Variants in CA10 observed in about 807,000 individuals in gnomAD.
CA10 encodes carbonic anhydrase 10 (inactive).
Under a neutral mutation model 44.2 loss-of-function variants are expected in CA10, and 14 were observed. That is an observed-to-expected ratio of 0.32 (90% confidence interval 0.21 to 0.50). CA10 has a LOEUF of 0.50. Ranked by LOEUF, CA10 falls within the 20% of genes least tolerant of loss-of-function variation. The pLI is 0.99. For synonymous variants in CA10, 159 were observed against 141.6 expected (o/e 1.12, Z -0.87); for missense variants, 350 against 409.7 (o/e 0.85, Z 1.26).
At chr17:52,126,968 AC>A (rs1388088563) in intron 1 of CA10, among the ~76,000 whole-genome samples, 1 of 152,236 alleles carries the variant, frequency 6.6e-6, no homozygotes, top group African/African-American at 2.4e-5. Flanking sequence ...AGAGGAGAGC[AC>A]TGGCCTCTTT....
In CA10 at chr17:51,632,409, C is replaced by G. The variant is rs576836816; in HGVS notation, c.965-803G>C. Among the ~76,000 whole-genome samples, 18 of 152,190 alleles carry G rather than the reference C, an allele frequency of 1.2e-4. No homozygotes were observed. In the East Asian group the frequency reaches 3.5e-3, roughly 29 times the overall value. On this transcript the variant is annotated intron_variant, in intron 8 of 8. Coordinates refer to ENST00000451037, the MANE Select transcript of CA10 (RefSeq NM_020178.5). ...GTGGAAAATATGTAGTTTGGGCATGCAAGTGTATCTGAGAGAGAAAAAAGA... is the reference window on the plus strand; with the variant it reads ...GTGGAAAATATGTAGTTTGGGCATGGAAGTGTATCTGAGAGAGAAAAAAGA...
chr17:51,660,871 T>C (rs907054741), intron 4 of CA10, among the ~76,000 whole-genome samples: 8 of 152,110 alleles, frequency 5.3e-5, no homozygotes, highest in Admixed American at 2.6e-4. Flanking sequence ...CTCCCTTATA[T>C]ACTGGGCTTC....
At chr17:51,834,859 T>C (rs1908417611) in intron 3 of CA10, among the ~76,000 whole-genome samples, 1 of 152,190 alleles carries the variant, frequency 6.6e-6, no homozygotes. Flanking sequence ...GCAACCATCC[T>C]AGTGTCATGC....
intron 4 of CA10, among the ~76,000 whole-genome samples, chr17:51,675,435 C>T (rs962677641): frequency 6.6e-6 from 1 of 151,852 alleles, no homozygotes; most frequent in Non-Finnish European, 1.5e-5. Flanking sequence ...TGCTGGGTGC[C>T]TGTAGTCCCA....
intron 2 of CA10, among the ~76,000 whole-genome samples, chr17:52,013,093 A>G (rs1473908805): frequency 6.6e-6 from 1 of 152,018 alleles, no homozygotes; most frequent in African/African-American, 2.4e-5. Flanking sequence ...GAACCAGGAA[A>G]AGCAAAAACA....
At chr17:51,693,916 C>T (rs952392652) in intron 4 of CA10, among the ~76,000 whole-genome samples, 2 of 152,074 alleles carry the variant, frequency 1.3e-5, no homozygotes, top group African/African-American at 4.8e-5. Flanking sequence ...TTAAGAAATT[C>T]ACCCCCGGCT....
At chr17:51,761,291 G>GCCAA (rs1378236901) in intron 3 of CA10, 2 of 152,086 alleles carry the variant, frequency 1.3e-5, no homozygotes, top group East Asian at 3.9e-4. Context: ...AGTTTTATGG[G>GCCAA]CCAACCACCC....
At chr17:51,943,551 T>C (rs934763229) in intron 2 of CA10, among the ~76,000 whole-genome samples, 31 of 152,218 alleles carry the variant, frequency 2.0e-4, no homozygotes, top group African/African-American at 7.0e-4. Flanking sequence ...TCGGGGCTCC[T>C]GGCAGTTCCA....
chr17:51,807,651 G>A (rs1907186481), intron 3 of CA10, among the ~76,000 whole-genome samples: 3 of 152,156 alleles, frequency 2.0e-5, no homozygotes, highest in Admixed American at 6.5e-5. Flanking sequence ...ATTGCGGTAT[G>A]GTGACAACAT....
At chr17:52,023,270 ATG>A (rs1426483497) in intron 2 of CA10, among the ~76,000 whole-genome samples, 1 of 152,128 alleles carries the variant, frequency 6.6e-6, no homozygotes, top group Non-Finnish European at 1.5e-5. Flanking sequence ...TCATACACCA[ATG>A]GAACAAAATA....
chr17:51,762,207 T>C (rs1336949642), intron 3 of CA10: 1 of 152,182 alleles, frequency 6.6e-6, no homozygotes, highest in Non-Finnish European at 1.5e-5. Context: ...ATAATACATG[T>C]GAAAGAGCCC....
chr17:52,040,078 T>A (rs1002403910), intron 2 of CA10, among the ~76,000 whole-genome samples: 5 of 151,974 alleles, frequency 3.3e-5, no homozygotes, highest in African/African-American at 1.2e-4. Flanking sequence ...CAGTTGGAGA[T>A]GATATAGCTG....
intron 3 of CA10, among the ~76,000 whole-genome samples, chr17:51,874,611 T>C (rs1301242501): frequency 6.6e-6 from 1 of 152,166 alleles, no homozygotes; most frequent in African/African-American, 2.4e-5. Flanking sequence ...TCTATTATAT[T>C]AACCTTGTTA....
chr17:52,071,005 G>T (rs140081480), intron 2 of CA10, among the ~76,000 whole-genome samples: 2,414 of 152,148 alleles, frequency 0.016, 24 homozygotes, highest in Non-Finnish European at 0.02. Context: ...GAGATATCTT[G>T]AATATAACAG....
chr17:52,082,854 C>A (rs62068649), intron 1 of CA10, among the ~76,000 whole-genome samples: 1,883 of 152,216 alleles, frequency 0.012, 20 homozygotes, highest in Non-Finnish European at 0.019. Context: ...ATGGACATTT[C>A]ATAGAAATCT....
chr17:51,982,306 A>C (rs1462219363), intron 2 of CA10, among the ~76,000 whole-genome samples: 1 of 151,926 alleles, frequency 6.6e-6, no homozygotes, highest in Non-Finnish European at 1.5e-5. Flanking sequence ...GAAGTTAGGA[A>C]GACTCTCATC....
chr17:51,708,695 C>T (rs1915836348), intron 4 of CA10, among the ~76,000 whole-genome samples: 1 of 152,178 alleles, frequency 6.6e-6, no homozygotes, highest in Non-Finnish European at 1.5e-5. Flanking sequence ...TGAGTGGGCT[C>T]CATCTAATCA....
At chr17:51,734,876 A>T (rs1302215512) in intron 4 of CA10, among the ~76,000 whole-genome samples, 8 of 152,170 alleles carry the variant, frequency 5.3e-5, no homozygotes, top group African/African-American at 1.9e-4. Context: ...CAAGATCAAC[A>T]CACCAGCAGG....
intron 1 of CA10, among the ~76,000 whole-genome samples, chr17:52,116,497 T>G (rs1256561410): frequency 1.3e-5 from 2 of 152,098 alleles, no homozygotes; most frequent in Admixed American, 1.3e-4. Flanking sequence ...CAGGCCCCCC[T>G]ATTAACATGG....
Sources: gnomAD v4.1 joint callset for allele counts (sites outside exome capture counted in the v4.1 genomes callset) on GRCh38, gnomAD v4.1.1 for gene constraint, MANE v1.5 for transcripts, NCBI Gene and HGNC (gene_info 2026-07-23, HGNC 2026-07-21) for gene names.